Variants in THSD7B observed in about 807,000 individuals in gnomAD.
THSD7B encodes the protein thrombospondin type 1 domain containing 7B.
THSD7B carries 138 observed loss-of-function variants against 213.6 expected under a neutral mutation model. The observed-to-expected ratio is 0.65, with a 90% CI of 0.56 to 0.74. The LOEUF is 0.74. Among genes scored for constraint, THSD7B ranks in the 30% least tolerant of loss-of-function variants. THSD7B has a pLI of 0.00. For synonymous variants in THSD7B, 742 were observed against 687.0 expected (o/e 1.08, Z -1.25); for missense variants, 1,931 against 1,991.5 (o/e 0.97, Z 0.58).
At chr2:137,255,409 A>G (rs1377477206) in intron 10 of THSD7B, among the ~76,000 whole-genome samples, 1 of 152,144 alleles carries the variant, frequency 6.6e-6, no homozygotes, top group African/African-American at 2.4e-5. Context: ...TGCCAAAGTC[A>G]TGATTTACAT....
intron 15 of THSD7B, among the ~76,000 whole-genome samples, chr2:137,514,804 G>A (rs1051647847): frequency 5.3e-5 from 8 of 152,124 alleles, no homozygotes; most frequent in Non-Finnish European, 7.4e-5. Context: ...TTCACCACTC[G>A]TGAGAGTCAA....
intron 6 of THSD7B, among the ~76,000 whole-genome samples, chr2:137,164,342 G>A (rs562964822): frequency 1.5e-3 from 226 of 152,214 alleles, no homozygotes; most frequent in Middle Eastern, 3.4e-3. Flanking sequence ...ACCATCTCAC[G>A]CCAGTTAGAA....
At chr2:137,629,694 A>G (rs533789747) in intron 20 of THSD7B, among the ~76,000 whole-genome samples, 3 of 152,306 alleles carry the variant, frequency 2.0e-5, no homozygotes, top group South Asian at 4.1e-4. Flanking sequence ...AATGTTAACT[A>G]CTTGGAGAAA....
chr2:136,890,300 A>C (rs551984943), intron 2 of THSD7B, among the ~76,000 whole-genome samples: 183 of 676 alleles, frequency 0.27, 32 homozygotes, highest in South Asian at 0.57. Context: ...TCCATGTCCT[A>C]CTCCTTCTTC....
At chr2:136,814,310 G>A (rs1475419970) in intron 1 of THSD7B, among the ~76,000 whole-genome samples, 10 of 152,050 alleles carry the variant, frequency 6.6e-5, no homozygotes, top group African/African-American at 1.9e-4. Flanking sequence ...TTATGTATAC[G>A]TAATTAAATG....
In THSD7B at chr2:137,253,801, T is replaced by C. The variant is rs1320564560; in HGVS notation, c.2266+11229T>C. ...AAAGAATAAATTAGTTATTTTTTGC[T>C]TCCTTGGCTTTGGTCCCATTTCAAT... is the stretch of plus-strand genomic sequence containing the variant. On this transcript the variant is annotated intron_variant, in intron 10 of 27. Coordinates refer to ENST00000409968, the MANE Select transcript of THSD7B (RefSeq NM_001316349.2). 2.0e-5 allele frequency among the ~76,000 whole-genome samples: 3 copies of C among 152,322 alleles called. No homozygotes were observed. The East Asian group carries it at 5.8e-4, about 29-fold the overall frequency.
Position 137,275,944 on chromosome 2 carries a change from C to A in THSD7B, c.2418C>A (p.Ser806Arg). ...ACAGGTGGAAGCCACAGAAATGGAGCCCTTGCATCTTAGTGCCAGAGTCTG... is the reference window on the plus strand; with the variant it reads ...ACAGGTGGAAGCCACAGAAATGGAGACCTTGCATCTTAGTGCCAGAGTCTG... Reference protein sequence around the residue: ...PVYRWKPQKWSPCILVPESVW... With the variant: ...PVYRWKPQKWRPCILVPESVW... Residue 806 changes from serine (S) to arginine (R), a missense_variant, in exon 12 of 28, where the codon AGC becomes AGA. Ser to Arg is a moderately radical substitution (Grantham distance 110). Coordinates refer to ENST00000409968, the MANE Select transcript of THSD7B (RefSeq NM_001316349.2). 6.2e-7 allele frequency: 1 copy of A among 1,611,890 alleles called. No individual in the cohort carries two copies. The highest frequency in any genetic ancestry group is 2.2e-5 in the East Asian group (1 of 44,800).
At chr2:137,207,823 A>ATAT (rs1681017802) in intron 7 of THSD7B, among the ~76,000 whole-genome samples, 1 of 152,046 alleles carries the variant, frequency 6.6e-6, no homozygotes. Context: ...ATCTCTGCTT[A>ATAT]TATTATTGAT....
chr2:137,012,568 G>A (rs1686251348), intron 2 of THSD7B, among the ~76,000 whole-genome samples: 1 of 152,182 alleles, frequency 6.6e-6, no homozygotes, highest in African/African-American at 2.4e-5. Flanking sequence ...TTGTCCAAAT[G>A]CAGCTTATTC....
chr2:137,579,292 C>G (rs772500230), intron 17 of THSD7B, among the ~76,000 whole-genome samples: 6 of 152,146 alleles, frequency 3.9e-5, no homozygotes, highest in Non-Finnish European at 8.8e-5. Context: ...AGAGGAAACT[C>G]CTTCTGCCTG....
intron 12 of THSD7B, among the ~76,000 whole-genome samples, chr2:137,290,599 G>C (rs982215793): frequency 6.6e-6 from 1 of 152,018 alleles, no homozygotes; most frequent in Non-Finnish European, 1.5e-5. Flanking sequence ...TTCTGCCCAG[G>C]ATTTAAGCTC....
At chr2:136,864,638 C>T (rs1558830588) in intron 1 of THSD7B, among the ~76,000 whole-genome samples, 1 of 152,046 alleles carries the variant, frequency 6.6e-6, no homozygotes. Context: ...CTGCAAGCTC[C>T]ACCTCCCAGG....
chr2:136,766,419 G>A (rs540577855), intron 1 of THSD7B, among the ~76,000 whole-genome samples: 5 of 151,992 alleles, frequency 3.3e-5, no homozygotes, highest in Non-Finnish European at 7.4e-5. Flanking sequence ...AGGGAGGGGG[G>A]GACAGGCATA....
At chr2:137,017,268 A>G (rs1262643123) in intron 2 of THSD7B, among the ~76,000 whole-genome samples, 1 of 151,006 alleles carries the variant, frequency 6.6e-6, no homozygotes, top group Non-Finnish European at 1.5e-5. Flanking sequence ...CTGAAGTTGA[A>G]CGAAGGGGCT....
intron 3 of THSD7B, among the ~76,000 whole-genome samples, chr2:137,068,142 G>C (rs1367911199): frequency 6.6e-6 from 1 of 151,960 alleles, no homozygotes; most frequent in African/African-American, 2.4e-5. Context: ...ATTCTCTGAT[G>C]GATTTAAGAA....
At chr2:136,819,680 G>T (rs1317225771) in intron 1 of THSD7B, among the ~76,000 whole-genome samples, 4 of 151,588 alleles carry the variant, frequency 2.6e-5, no homozygotes, top group Non-Finnish European at 4.4e-5. Flanking sequence ...TGAGGACCTT[G>T]CTTATGCCCC....
At chr2:137,537,108 A>G (rs1680521100) in intron 15 of THSD7B, among the ~76,000 whole-genome samples, 1 of 151,788 alleles carries the variant, frequency 6.6e-6, no homozygotes. Flanking sequence ...CCAAGTTTTG[A>G]TGATCATTGA....
At chr2:137,063,449 T>C (rs556661222) in intron 3 of THSD7B, among the ~76,000 whole-genome samples, 1 of 152,222 alleles carries the variant, frequency 6.6e-6, no homozygotes, top group East Asian at 1.9e-4. Flanking sequence ...GATATTTTGA[T>C]ACAAGCATGC....
intron 1 of THSD7B, among the ~76,000 whole-genome samples, chr2:136,847,572 C>A (rs974550983): frequency 6.6e-6 from 1 of 152,088 alleles, no homozygotes; most frequent in Non-Finnish European, 1.5e-5. Flanking sequence ...TAGACAGAAT[C>A]TATTTCTTTT....
Sources: allele counts gnomAD v4.1 joint callset (sites outside exome capture counted in the v4.1 genomes callset), GRCh38; gene constraint gnomAD v4.1.1; transcripts MANE v1.5; gene names NCBI Gene and HGNC (gene_info 2026-07-23, HGNC 2026-07-21).